Variants in COL19A1 observed in about 807,000 individuals in gnomAD.
The protein encoded by COL19A1 is collagen alpha-1(XIX) chain.
Under a neutral mutation model 190.2 loss-of-function variants are expected in COL19A1, and 159 were observed. The ratio of observed to expected loss-of-function variants is 0.84; its 90% CI spans 0.73 to 0.95. The LOEUF (loss-of-function observed/expected upper bound fraction) is 0.95. Ranked by LOEUF, COL19A1 falls within the 40% of genes least tolerant of loss-of-function variation. COL19A1 has a pLI of 0.00. For synonymous variants in COL19A1, 509 were observed against 458.9 expected, an observed-to-expected ratio of 1.11 and a Z score of -1.39; for missense variants, 1,418 against 1,431.9, an observed-to-expected ratio of 0.99 and a Z score of 0.16.
At chr6:69,976,593 A>T (rs192734194) in intron 11 of COL19A1, among the ~76,000 whole-genome samples, 31 of 152,246 alleles carry the variant, frequency 2.0e-4, no homozygotes, top group Non-Finnish European at 1.0e-4. Context: ...TTTGATTAAG[A>T]TTCTTTAGTG....
intron 14 of COL19A1, among the ~76,000 whole-genome samples, chr6:70,060,345 G>T (rs1780750307): frequency 6.6e-6 from 1 of 152,106 alleles, no homozygotes; most frequent in African/African-American, 2.4e-5. Flanking sequence ...TATTGTAGAG[G>T]TTAGAAAAAA....
intron 47 of COL19A1, among the ~76,000 whole-genome samples, chr6:70,189,891 A>C (rs1451329828): frequency 3.3e-5 from 5 of 152,236 alleles, no homozygotes; most frequent in African/African-American, 1.2e-4. Context: ...CTTCCTTTGA[A>C]AATACATTAT....
At chr6:69,967,614 G>T (rs569736069) in intron 11 of COL19A1, among the ~76,000 whole-genome samples, 1 of 152,188 alleles carries the variant, frequency 6.6e-6, no homozygotes, top group East Asian at 1.9e-4. Flanking sequence ...TAAAACCATT[G>T]TTGGAAAACT....
In COL19A1 at chr6:69,905,597, G is replaced by T. The variant is rs1271771154; in HGVS notation, c.266+5259G>T. Among the ~76,000 whole-genome samples the T allele has an allele frequency of 2.0e-5, 3 of 152,216 alleles. No homozygotes were observed. In the East Asian group the frequency reaches 5.8e-4, roughly 29 times the overall value. ...CAGACAATAGTGGCGTAGGGCCAAGGGATGGCCTTCCCATGTTATGGCTAC... is the reference window on the plus strand; with the variant it reads ...CAGACAATAGTGGCGTAGGGCCAAGTGATGGCCTTCCCATGTTATGGCTAC... On this transcript the variant is annotated intron_variant, in intron 4 of 50. Coordinates refer to ENST00000620364, the MANE Select transcript of COL19A1 (RefSeq NM_001858.6).
At chr6:70,033,968 G>T (rs1779209400) in intron 12 of COL19A1, among the ~76,000 whole-genome samples, 1 of 152,106 alleles carries the variant, frequency 6.6e-6, no homozygotes, top group African/African-American at 2.4e-5. Flanking sequence ...AGATCTAAAT[G>T]ATATTCTCCC....
chr6:70,150,142 G>C (rs1422001981), intron 30 of COL19A1, 97 bp downstream of exon 30: 1 of 1,197,622 alleles, frequency 8.3e-7, no homozygotes, highest in African/African-American at 1.5e-5. Flanking sequence ...TAATTAGAAT[G>C]CTCGGTGACT....
At chr6:69,914,024 T>C (rs1771131194) in intron 4 of COL19A1, among the ~76,000 whole-genome samples, 1 of 152,172 alleles carries the variant, frequency 6.6e-6, no homozygotes, top group Admixed American at 6.5e-5. Context: ...GTATCCTCAT[T>C]TCTAAAGAGC....
intron 17 of COL19A1, among the ~76,000 whole-genome samples, chr6:70,124,033 A>G (rs1785051128): frequency 6.6e-6 from 1 of 152,094 alleles, no homozygotes; most frequent in African/African-American, 2.4e-5. Flanking sequence ...TTAGCCATAA[A>G]AAGAATGAAA....
intron 11 of COL19A1, among the ~76,000 whole-genome samples, chr6:69,976,179 A>G (rs1174234054): frequency 1.3e-5 from 2 of 152,242 alleles, no homozygotes; most frequent in African/African-American, 2.4e-5. Flanking sequence ...GATTCATCTC[A>G]GTGGCTAATT....
chr6:69,890,302 A>G (rs1002101115), intron 2 of COL19A1: 5 of 152,158 alleles, frequency 3.3e-5, no homozygotes, highest in Non-Finnish European at 5.9e-5. Context: ...ATGGCATGTC[A>G]GATTTAACAC....
intron 36 of COL19A1, among the ~76,000 whole-genome samples, chr6:70,165,431 G>A (rs1366432512): frequency 6.6e-6 from 1 of 152,162 alleles, no homozygotes; most frequent in Non-Finnish European, 1.5e-5. Flanking sequence ...TATTAACGTA[G>A]GAAATGGAAG....
chr6:70,198,822 T>C (rs1244369734), intron 48 of COL19A1, among the ~76,000 whole-genome samples: 1 of 152,222 alleles, frequency 6.6e-6, no homozygotes, highest in Admixed American at 6.5e-5. Flanking sequence ...CTTAATTGTA[T>C]GGATCTGGCT....
At chr6:70,191,634 C>G (rs1198765710) in intron 48 of COL19A1, among the ~76,000 whole-genome samples, 1 of 152,176 alleles carries the variant, frequency 6.6e-6, no homozygotes, top group East Asian at 1.9e-4. Context: ...AAAACTCACC[C>G]TACATTTCTT....
At chr6:70,049,294 T>TA (rs1780069922) in intron 14 of COL19A1, among the ~76,000 whole-genome samples, 1 of 151,968 alleles carries the variant, frequency 6.6e-6, no homozygotes. Context: ...TGAAATATTT[T>TA]AAAAAATCAA....
chr6:70,163,725 A>G (rs1787965634), intron 36 of COL19A1, among the ~76,000 whole-genome samples: 1 of 152,210 alleles, frequency 6.6e-6, no homozygotes, highest in South Asian at 2.1e-4. Flanking sequence ...GGTGTCTACC[A>G]GGGAGTTCCA....
At chr6:69,969,560 TACA>T (rs1185714380) in intron 11 of COL19A1, among the ~76,000 whole-genome samples, 4 of 152,080 alleles carry the variant, frequency 2.6e-5, no homozygotes, top group African/African-American at 4.8e-5. Context: ...AAAATAACAA[TACA>T]ACAATAACAA....
chr6:69,968,534 A>G (rs949969651), intron 11 of COL19A1, among the ~76,000 whole-genome samples: 1 of 152,200 alleles, frequency 6.6e-6, no homozygotes, highest in Non-Finnish European at 1.5e-5. Context: ...CCTGCAAGCA[A>G]CTTTCTAAAA....
chr6:70,001,617 C>T (rs1423338459), intron 11 of COL19A1, among the ~76,000 whole-genome samples: 2 of 152,066 alleles, frequency 1.3e-5, no homozygotes, highest in Non-Finnish European at 2.9e-5. Context: ...GTATTTTCTT[C>T]TCTTTGTAAC....
At position 70,039,591 on chromosome 6, in the gene COL19A1, G is replaced by A. The variant is rs1779530937; in HGVS notation, c.1170+3652G>A. ...GCTGAACTGCCCAGAATAACTAAGGGCGAAGAGCTGAACACTTTTTCCCCC... is the reference window on the plus strand; with the variant it reads ...GCTGAACTGCCCAGAATAACTAAGGACGAAGAGCTGAACACTTTTTCCCCC... On this transcript the variant is annotated intron_variant, in intron 14 of 50. Transcript: ENST00000620364. Among the ~76,000 whole-genome samples, 10 of 152,168 alleles carry A rather than the reference G, an allele frequency of 6.6e-5. No homozygotes were observed. The South Asian group carries it at 2.1e-3, about 32-fold the overall frequency.
Sources: allele counts gnomAD v4.1 joint callset (sites outside exome capture counted in the v4.1 genomes callset), GRCh38; gene constraint gnomAD v4.1.1; transcripts MANE v1.5; gene names NCBI Gene and HGNC (gene_info 2026-07-23, HGNC 2026-07-21).